RGL1: variants seen among roughly 807,000 people sequenced by gnomAD.
RGL1 encodes the protein ral guanine nucleotide dissociation stimulator-like 1.
In RGL1, 24 loss-of-function variants were observed where a neutral mutation model predicts 95.2. The observed-to-expected ratio is 0.25, with a 90% CI of 0.18 to 0.35. The LOEUF is 0.35. Ranked by LOEUF, RGL1 falls within the 10% of genes least tolerant of loss-of-function variation. The pLI, the probability that RGL1 is intolerant of heterozygous loss-of-function variation, is 1.00. For missense variants in RGL1, 715 were observed against 936.3 expected (o/e 0.76, Z 3.08); for synonymous variants, 329 against 344.9 (o/e 0.95, Z 0.51).
intron 9 of RGL1, among the ~76,000 whole-genome samples, chr1:183,894,776 A>T (rs1667597964): frequency 6.6e-6 from 1 of 152,082 alleles, no homozygotes; most frequent in African/African-American, 2.4e-5. Flanking sequence ...GTTTTAAATG[A>T]CCTAACTTCT....
At chr1:183,737,643 A>G (rs1212747271) in intron 1 of RGL1, among the ~76,000 whole-genome samples, 2 of 152,016 alleles carry the variant, frequency 1.3e-5, no homozygotes, top group Non-Finnish European at 2.9e-5. Context: ...CTCAGTGTCA[A>G]GCAAGCACAT....
intron 15 of RGL1, among the ~76,000 whole-genome samples, chr1:183,912,868 C>T (rs1293528026): frequency 2.6e-5 from 4 of 152,158 alleles, no homozygotes; most frequent in African/African-American, 9.7e-5. Context: ...TATGTCAAGC[C>T]TTTACTTGAG....
Position 183,856,838 on chromosome 1 carries a change from G to A in RGL1, c.347+9064G>A, listed in dbSNP as rs569922941. ...TATAGAAAAGAGCATTAAAAACTTT[G>A]ATAGGGGATGCCTTTCATAAAAGGT... On this transcript the variant is annotated intron_variant, in intron 3 of 17. Coordinates refer to ENST00000360851, the MANE Select transcript of RGL1 (RefSeq NM_001297671.3). 1.3e-3 allele frequency among the ~76,000 whole-genome samples: 193 copies of A among 152,168 alleles called. 2 individuals are homozygous for A. Among genetic ancestry groups the A allele is most frequent in the South Asian group, 4.4e-3 (21 of 4,820 alleles).
chr1:183,659,375 G>A lies in RGL1; in HGVS notation c.-33+22874G>A, dbSNP rs564697058. ...AGAAGTGCTTAAAGGAGCTGATGGA[G>A]CTGAAAGCCAAGGCTCGAGAACTAT... is the stretch of plus-strand genomic sequence containing the variant. On this transcript the variant is annotated intron_variant, in intron 1 of 18. Transcript: ENST00000304685. 6.6e-5 allele frequency among the ~76,000 whole-genome samples: 10 copies of A among 152,354 alleles called. 1 individual carries two copies. The South Asian group carries it at 2.1e-3, about 32-fold the overall frequency.
intron 9 of RGL1, among the ~76,000 whole-genome samples, chr1:183,896,544 A>G (rs771725592): frequency 6.6e-6 from 1 of 152,232 alleles, no homozygotes; most frequent in African/African-American, 2.4e-5. Flanking sequence ...ACTATCAGCA[A>G]GGCCAAGCCA....
At chr1:183,924,185 C>T (rs1669479592) in intron 17 of RGL1, among the ~76,000 whole-genome samples, 1 of 152,162 alleles carries the variant, frequency 6.6e-6, no homozygotes, top group Non-Finnish European at 1.5e-5. Context: ...TATTGCAGCA[C>T]TATTCACAAT....
intron 1 of RGL1, among the ~76,000 whole-genome samples, chr1:183,650,771 C>T (rs1219118435): frequency 2.7e-5 from 4 of 148,976 alleles, no homozygotes; most frequent in South Asian, 2.1e-4. Flanking sequence ...ATTGTCAAAT[C>T]GCTTCCTAGG....
At chr1:183,812,144 C>T (rs1661764425) in intron 2 of RGL1, among the ~76,000 whole-genome samples, 1 of 152,148 alleles carries the variant, frequency 6.6e-6, no homozygotes, top group African/African-American at 2.4e-5. Context: ...TGCAAAAATG[C>T]ACTACATAGT....
chr1:183,891,200 GT>G (rs1007095233), intron 8 of RGL1, among the ~76,000 whole-genome samples: 48 of 152,016 alleles, frequency 3.2e-4, no homozygotes, highest in Admixed American at 2.1e-3. Flanking sequence ...CTTAATAATG[GT>G]TTTTTTCATA....
chr1:183,679,341 A>G (rs1165492696), intron 1 of RGL1, among the ~76,000 whole-genome samples: 1 of 151,982 alleles, frequency 6.6e-6, no homozygotes, highest in Admixed American at 6.6e-5. Context: ...GCACCTATCA[A>G]CCCGTCATCT....
intron 1 of RGL1, among the ~76,000 whole-genome samples, chr1:183,726,738 G>T (rs1656334370): frequency 6.6e-6 from 1 of 152,122 alleles, no homozygotes; most frequent in Non-Finnish European, 1.5e-5. Context: ...AAATATAAGT[G>T]ACAATCCCTT....
In RGL1 at chr1:183,727,488, A is replaced by G. The variant is rs142715466; in HGVS notation, c.-32-14638A>G. Among the ~76,000 whole-genome samples, 623 of 152,292 alleles carry G rather than the reference A, an allele frequency of 4.1e-3. 4 individuals carry two copies. Among genetic ancestry groups the G allele is most frequent in the South Asian group, 0.025 (119 of 4,830 alleles). On this transcript the variant is annotated intron_variant, in intron 1 of 18. Coordinates refer to the RGL1 transcript ENST00000304685. Reference sequence around the variant, plus strand: ...GTGAATTATTAAACTGTTTTTTTTAAAAAACCTGTTGCTGACTTAGTATTT... The same window carrying G: ...GTGAATTATTAAACTGTTTTTTTTAGAAAACCTGTTGCTGACTTAGTATTT...
intron 2 of RGL1, among the ~76,000 whole-genome samples, chr1:183,744,077 GC>G (rs1289400128): frequency 3.3e-5 from 5 of 152,176 alleles, no homozygotes; most frequent in Non-Finnish European, 4.4e-5. Flanking sequence ...GGAGCTCATT[GC>G]CAAGTTTAGT....
chr1:183,816,643 T>G (rs1356302859), intron 2 of RGL1, among the ~76,000 whole-genome samples: 1 of 152,236 alleles, frequency 6.6e-6, no homozygotes, highest in Non-Finnish European at 1.5e-5. Flanking sequence ...ATGTAAGTTT[T>G]TATACAAATA....
chr1:183,651,571 A>C lies in RGL1; in HGVS notation c.-33+15070A>C, dbSNP rs532840610. On this transcript the variant is annotated intron_variant, in intron 1 of 18. Transcript: ENST00000304685. ...CCAGCTGTAGGTGGAATGTAGCTTT[A>C]TTCATGTCACCATTATCTTAGTGGC... Among the ~76,000 whole-genome samples the C allele has an allele frequency of 3.3e-4, 50 of 152,316 alleles. 1 individual carries two copies. The South Asian group carries it at 0.01, about 31-fold the overall frequency.
intron 1 of RGL1, among the ~76,000 whole-genome samples, chr1:183,675,754 G>A (rs1436798885): frequency 6.6e-6 from 1 of 152,010 alleles, no homozygotes; most frequent in African/African-American, 2.4e-5. Flanking sequence ...CTGCTCTTTA[G>A]TTTCTTTTTT....
At chr1:183,824,368 A>G (rs1191467463) in intron 2 of RGL1, among the ~76,000 whole-genome samples, 2 of 152,096 alleles carry the variant, frequency 1.3e-5, no homozygotes, top group African/African-American at 2.4e-5. Context: ...TGAAGGGCTA[A>G]GTGCTTTCTT....
Position 183,805,211 on chromosome 1 carries a change from G to C in RGL1, c.-87G>C. The stretch of plus-strand genomic sequence containing the variant: ...CTCGGGACCGGGACCGGGGCGAGGC[G>C]CCGCGGGGCTGAGCCCAGCAGACAT... On this transcript the variant is annotated 5_prime_UTR_variant, in exon 1 of 18. Coordinates refer to ENST00000360851, the MANE Select transcript of RGL1 (RefSeq NM_001297671.3). 6.4e-7 allele frequency: 1 copy of C among 1,554,150 alleles called. No homozygotes were observed. The highest frequency in any genetic ancestry group is 8.7e-7 in the Non-Finnish European group (1 of 1,149,084).
chr1:183,822,056 G>T (rs558724287), intron 2 of RGL1, among the ~76,000 whole-genome samples: 5 of 152,162 alleles, frequency 3.3e-5, no homozygotes, highest in African/African-American at 1.2e-4. Context: ...TGTACTTTTG[G>T]CTGGGTTCTA....
Sources: gnomAD v4.1 joint callset for allele counts (sites outside exome capture counted in the v4.1 genomes callset) on GRCh38, gnomAD v4.1.1 for gene constraint, MANE v1.5 for transcripts, NCBI Gene and HGNC (gene_info 2026-07-23, HGNC 2026-07-21) for gene names.